The following PCLO variants were observed in gnomAD, a reference collection of about 807,000 sequenced individuals.
The protein encoded by PCLO is protein piccolo.
Under a neutral mutation model 427.5 loss-of-function variants are expected in PCLO, and 82 were observed. That is an observed-to-expected ratio of 0.19 (90% CI 0.16 to 0.23). PCLO has a LOEUF of 0.23. Among genes scored for constraint, PCLO ranks in the 10% least tolerant of loss-of-function variants. PCLO has a pLI of 1.00. For missense variants in PCLO, 6,239 were observed against 6,115.9 expected (o/e 1.02, Z -0.67); for synonymous variants, 2,357 against 2,155.4 (o/e 1.09, Z -2.59).
chr7:83,133,368 C>T (rs189807437), intron 3 of PCLO, among the ~76,000 whole-genome samples: 1 of 152,012 alleles, frequency 6.6e-6, no homozygotes, highest in East Asian at 1.9e-4. Context: ...TTTATTAAAA[C>T]ATTGTTGTTA....
Position 82,838,312 on chromosome 7 carries a change from T to A in PCLO, c.14128A>T (p.Ile4710Leu). Residue 4710 changes from isoleucine to leucine, a missense_variant, in exon 15 of 25, where the codon ATA (isoleucine) becomes TTA (leucine). Transcript: ENST00000333891. ...TTTCTTGCTTGGAGAATATGTATTA[T>A]GAGATTTCCAAGATCATAGTTAATT... ...LQINYDLGNLIIHILQARNLV... is the reference protein window; with the variant it reads ...LQINYDLGNLLIHILQARNLV... The A allele has an allele frequency of 3.3e-6, 5 of 1,529,542 alleles. No individual in the cohort carries two copies. Among genetic ancestry groups the A allele is most frequent in the Non-Finnish European group, 4.5e-6 (5 of 1,115,482 alleles). The allele number at this position is 1,529,542 out of a possible 1,614,324, so 94.7% of individuals were successfully genotyped here.
intron 9 of PCLO, chr7:82,880,293 C>T (rs1251171598): frequency 1.1e-5 from 3 of 275,842 alleles, no homozygotes; most frequent in African/African-American, 6.6e-5. Context: ...CTGACCAAAA[C>T]ATTATGTGGC....
intron 16 of PCLO, among the ~76,000 whole-genome samples, chr7:82,830,047 CATAT>C (rs947256670): frequency 2.6e-5 from 4 of 151,598 alleles, no homozygotes; most frequent in Non-Finnish European, 5.9e-5. Flanking sequence ...ATATGACATA[CATAT>C]ATATTAATAT....
At chr7:82,870,392 G>A (rs1793204668) in intron 10 of PCLO, among the ~76,000 whole-genome samples, 1 of 152,000 alleles carries the variant, frequency 6.6e-6, no homozygotes, top group African/African-American at 2.4e-5. Context: ...TTCATATGCA[G>A]AAGATTAAAA....
At chr7:82,911,012 C>T (rs1467133271) in intron 7 of PCLO, among the ~76,000 whole-genome samples, 1 of 151,930 alleles carries the variant, frequency 6.6e-6, no homozygotes, top group African/African-American at 2.4e-5. Flanking sequence ...TGATGTAGTA[C>T]AAGATTTCAT....
chr7:82,840,549 G>C (rs1203545124), intron 14 of PCLO, among the ~76,000 whole-genome samples: 1 of 151,956 alleles, frequency 6.6e-6, no homozygotes, highest in Non-Finnish European at 1.5e-5. Flanking sequence ...TTTTAATTTA[G>C]TCTTAACCTA....
At chr7:83,043,430 T>G (rs1344903572) in intron 3 of PCLO, among the ~76,000 whole-genome samples, 1 of 152,194 alleles carries the variant, frequency 6.6e-6, no homozygotes, top group East Asian at 1.9e-4. Context: ...ATAAGCTCAT[T>G]TGAAATGACA....
chr7:82,857,890 T>G (rs1057155197), intron 10 of PCLO, among the ~76,000 whole-genome samples: 1 of 152,200 alleles, frequency 6.6e-6, no homozygotes, highest in African/African-American at 2.4e-5. Context: ...TAATACAACA[T>G]GGTCAATTGT....
chr7:82,963,871 C>T (rs1476173665), intron 4 of PCLO, among the ~76,000 whole-genome samples: 1 of 151,418 alleles, frequency 6.6e-6, no homozygotes, highest in East Asian at 1.9e-4. Flanking sequence ...TACATATACA[C>T]ATATTGAGGT....
intron 3 of PCLO, among the ~76,000 whole-genome samples, chr7:83,121,156 A>C (rs1584050315): frequency 9.0e-6 from 1 of 111,518 alleles, no homozygotes; most frequent in African/African-American, 4.3e-5. Context: ...AACAAACAAA[A>C]AACTTTTGTA....
intron 3 of PCLO, among the ~76,000 whole-genome samples, chr7:83,109,223 A>G (rs147869750): frequency 2.8e-3 from 424 of 152,246 alleles, no homozygotes; most frequent in Non-Finnish European, 5.1e-3. Flanking sequence ...ATTTTATTTG[A>G]CTTTCCATGT....
At chr7:83,018,950 G>C (rs1269789456) in intron 3 of PCLO, among the ~76,000 whole-genome samples, 1 of 151,830 alleles carries the variant, frequency 6.6e-6, no homozygotes, top group East Asian at 1.9e-4. Flanking sequence ...GAGTTATGAA[G>C]AAAATACCTT....
rs1554359642 is a variant in PCLO at position 82,951,144 on chromosome 7, A to T, written c.9444T>A (p.Gly3148=). The T allele has an allele frequency of 1.2e-6, 2 of 1,613,600 alleles. No homozygotes were observed. The highest frequency in any genetic ancestry group is 2.2e-5 in the South Asian group (2 of 91,062). ...TTACTGCAATGTCCGTTTCAGATGC[A>T]CCTGTTGTTATAAAATATGATCTAG... is the stretch of plus-strand genomic sequence containing the variant. ...PMPRSYFITT[G]ASETDIAVTG... The change falls in exon 6 of 25, where the codon GGT becomes GGA. Residue 3148 remains glycine (G), a synonymous_variant. Coordinates refer to ENST00000333891, the MANE Select transcript of PCLO (RefSeq NM_033026.6).
chr7:82,871,999 G>A (rs1793250074), intron 10 of PCLO, among the ~76,000 whole-genome samples: 1 of 151,870 alleles, frequency 6.6e-6, no homozygotes, highest in Admixed American at 6.6e-5. Context: ...TTTCTGAAAT[G>A]TAACATTTTA....
intron 3 of PCLO, 22 bp downstream of exon 3, chr7:83,134,218 AATATATATAT>A (rs61658777): frequency 1.2e-5 from 5 of 430,258 alleles, no homozygotes; most frequent in Admixed American, 5.8e-5. Context: ...CTCCATATGT[AATATATATAT>A]ATATATATAT....
At chr7:82,821,280 C>T (rs568921534) in intron 20 of PCLO, 20 of 986,478 alleles carry the variant, frequency 2.0e-5, no homozygotes, top group African/African-American at 1.7e-4. Context: ...TTAGACTGAC[C>T]GCTTTTATGT....
At chr7:82,966,867 T>G (rs980683486) in intron 3 of PCLO, among the ~76,000 whole-genome samples, 6 of 152,296 alleles carry the variant, frequency 3.9e-5, no homozygotes, top group African/African-American at 1.4e-4. Flanking sequence ...CATCCAAAAT[T>G]TATTCAAAGA....
chr7:82,971,660 C>T (rs910925860), intron 3 of PCLO, among the ~76,000 whole-genome samples: 15 of 146,968 alleles, frequency 1.0e-4, no homozygotes, highest in Non-Finnish European at 2.2e-4. Context: ...GTGCTGTTTG[C>T]AACATTTCTC....
intron 20 of PCLO, among the ~76,000 whole-genome samples, chr7:82,808,238 G>C (rs903971124): frequency 6.6e-6 from 1 of 151,622 alleles, no homozygotes; most frequent in Non-Finnish European, 1.5e-5. Context: ...TTAATTATTA[G>C]ACACTAATAT....
Sources: allele counts gnomAD v4.1 joint callset (sites outside exome capture counted in the v4.1 genomes callset), GRCh38; gene constraint gnomAD v4.1.1; transcripts MANE v1.5; gene names NCBI Gene and HGNC (gene_info 2026-07-23, HGNC 2026-07-21).